The following AADAC variants were observed in gnomAD, a reference collection of about 807,000 sequenced individuals.
AADAC encodes the protein arylacetamide deacetylase.
Under a neutral mutation model 22.7 loss-of-function variants are expected in AADAC, and 17 were observed. That is an observed-to-expected ratio of 0.75 (90% CI 0.51 to 1.12). The LOEUF is 1.12. Ranked by LOEUF, AADAC falls within the 50% of genes most tolerant of loss-of-function variation. The probability of loss-of-function intolerance (pLI) is 0.00; values close to 1 mark genes in which losing one functional copy is unlikely to be tolerated. For synonymous variants in AADAC, 167 were observed against 176.3 expected, an observed-to-expected ratio of 0.95 and a Z score of 0.42; for missense variants, 465 against 473.9, an observed-to-expected ratio of 0.98 and a Z score of 0.17.
At chr3:151,817,987 C>T (rs1716062994) in intron 2 of AADAC, among the ~76,000 whole-genome samples, 2 of 151,670 alleles carry the variant, frequency 1.3e-5, no homozygotes, top group Non-Finnish European at 2.9e-5. Context: ...GCCTGTAATC[C>T]CAGCACTTTG....
chr3:151,824,949 G>C (rs13098550), intron 4 of AADAC, 115 bp downstream of exon 4: 1 of 786,914 alleles, frequency 1.3e-6, no homozygotes, highest in Non-Finnish European at 1.8e-6. Context: ...AGGAGATATT[G>C]ATTTTTTGAA....
chr3:151,824,616 A>C, intron 3 of AADAC, 47 bp from the exon 4 acceptor site: 9 of 1,313,310 alleles, frequency 6.9e-6, no homozygotes, highest in Non-Finnish European at 7.8e-6. Flanking sequence ...ATTACAGTCT[A>C]ATCAAAACAA....
intron 4 of AADAC, among the ~76,000 whole-genome samples, chr3:151,826,187 A>G (rs1266261946): frequency 6.6e-6 from 1 of 152,042 alleles, no homozygotes; most frequent in Admixed American, 6.6e-5. Context: ...CTTTGTTTCA[A>G]CCACAATATA....
Position 151,817,525 on chromosome 3 carries a change from T to A in AADAC, c.298T>A (p.Ser100Thr), listed in dbSNP as rs971722811. The change falls in exon 2 of 5, where the codon TCT becomes ACT. Residue 100 changes from serine to threonine, a missense_variant. By Grantham distance (58) the Ser-to-Thr change is moderately conservative. Transcript: ENST00000232892. ...LVRVYVPKRK[S>T]EALRRGLFYI... ...TCGGGTATATGTGCCAAAGAGAAAG[T>A]CTGAAGCACTAAGAAGGGGGTTGTT... 2 of 1,613,760 alleles carry A rather than the reference T, an allele frequency of 1.2e-6. No homozygotes were observed. The highest frequency in any genetic ancestry group is 1.7e-6 in the Non-Finnish European group (2 of 1,179,746).
intron 2 of AADAC, among the ~76,000 whole-genome samples, chr3:151,818,625 T>C (rs1716102482): frequency 6.6e-6 from 1 of 152,108 alleles, no homozygotes; most frequent in Admixed American, 6.5e-5. Flanking sequence ...TTCCACAAGT[T>C]GGTTACCTTT....
At position 151,827,558 on chromosome 3, in the gene AADAC, A is replaced by C; in HGVS notation, c.604-18A>C. 1 of 1,458,934 alleles carries C rather than the reference A, an allele frequency of 6.9e-7. No individual in the cohort carries two copies. Among genetic ancestry groups the C allele is most frequent in the Non-Finnish European group, 9.3e-7 (1 of 1,077,192 alleles). The allele number at this position is 1,458,934 out of a possible 1,614,324, so 90.4% of individuals were successfully genotyped here. On this transcript the variant is annotated intron_variant, in intron 4 of 4. Transcript: ENST00000232892. ...GTTTTAAATGAAAATGATTTGTGCA[A>C]ATCATCTTGCTTCTCAGCTCCTTGA...
chr3:151,822,339 T>G (rs116282677), intron 3 of AADAC, among the ~76,000 whole-genome samples: 2 of 151,912 alleles, frequency 1.3e-5, no homozygotes, highest in Admixed American at 6.6e-5. Flanking sequence ...CATGCCCATA[T>G]AAAAACTTGT....
intron 4 of AADAC, among the ~76,000 whole-genome samples, chr3:151,826,698 C>G (rs1032003403): frequency 5.3e-5 from 8 of 151,626 alleles, no homozygotes; most frequent in African/African-American, 1.5e-4. Context: ...TTTTTCCTCC[C>G]TGGTATTGGT....
rs199521285 is a variant in AADAC at position 151,814,210 on chromosome 3, A to G, written c.48A>G (p.Ala16=). 6 of 1,613,290 alleles carry G rather than the reference A, an allele frequency of 3.7e-6. No homozygotes were observed. Among genetic ancestry groups the G allele is most frequent in the East Asian group, 4.5e-5 (2 of 44,876 alleles). Residue 16 remains alanine, a synonymous_variant, in exon 1 of 5, where the codon GCA becomes GCG. Transcript: ENST00000232892. ...LYLLIVGILI[A]YYIYTPLPDN... is the part of the protein sequence containing the mutation. ...TTCTGATTGTGGGGATCCTCATAGC[A>G]TATTATATTTATACGCCTCTCCCAG...
chr3:151,827,677 T>A lies in AADAC; in HGVS notation c.705T>A (p.Asn235Lys). ...TAGATTTACCGTCATATCAAGAAAA[T>A]TCAAATTTTCTATTTCTATCCAAAT... The part of the protein sequence containing the change: ...LDVDLPSYQE[N>K]SNFLFLSKSL... The change falls in exon 5 of 5, where the codon AAT becomes AAA. Residue 235 changes from asparagine (N) to lysine (K), a missense_variant. Transcript: ENST00000232892. 1 of 1,612,646 alleles carries A rather than the reference T, an allele frequency of 6.2e-7. No homozygotes were observed. Among genetic ancestry groups the A allele is most frequent in the Non-Finnish European group, 8.5e-7 (1 of 1,179,020 alleles).
chr3:151,816,081 G>C (rs530661290), intron 1 of AADAC, among the ~76,000 whole-genome samples: 7 of 152,154 alleles, frequency 4.6e-5, no homozygotes, highest in African/African-American at 1.7e-4. Context: ...ATATAAGCAA[G>C]TTGTTAATAT....
chr3:151,819,965 T>C (rs1716166556), intron 2 of AADAC, among the ~76,000 whole-genome samples: 1 of 152,116 alleles, frequency 6.6e-6, no homozygotes, highest in Non-Finnish European at 1.5e-5. Flanking sequence ...ATTGCAACAA[T>C]TCTGTCTATA....
intron 1 of AADAC, among the ~76,000 whole-genome samples, chr3:151,814,923 T>C (rs1271926055): frequency 2.0e-5 from 3 of 152,034 alleles, no homozygotes; most frequent in African/African-American, 7.2e-5. Flanking sequence ...ATTACTTCTT[T>C]GGTTATTTTA....
At chr3:151,824,618 T>C (rs925886265) in intron 3 of AADAC, 45 bp from the exon 4 acceptor site, 1 of 1,131,150 alleles carries the variant, frequency 8.8e-7, no homozygotes, top group East Asian at 2.8e-5. Flanking sequence ...TACAGTCTAA[T>C]CAAAACAAAC....
rs1285860825 is a variant in AADAC, at chr3:151,824,798, T to C, written c.567T>C (p.Ser189=). ...NPERIGISGD[S]AGGNLAAAVT... ...AGAGAATCGGTATTTCTGGAGATAG[T>C]GCAGGAGGGAATTTAGCTGCAGCAG... The change falls in exon 4 of 5, where the codon AGT becomes AGC. Residue 189 remains serine, a synonymous_variant. Transcript: ENST00000232892. The C allele has an allele frequency of 1.3e-6, 2 of 1,599,152 alleles. No homozygotes were observed. Among genetic ancestry groups the C allele is most frequent in the Admixed American group, 1.8e-5 (1 of 56,862 alleles).
Position 151,820,427 on chromosome 3 carries a change from C to A in AADAC, c.406C>A (p.Leu136Ile). The A allele has an allele frequency of 6.3e-7, 1 of 1,583,404 alleles. No individual in the cohort carries two copies. Among genetic ancestry groups the A allele is most frequent in the East Asian group, 2.3e-5 (1 of 43,756 alleles). ...GCTGTCAAGATGGACAGCAGACAGACTTGATGCTGTCGTCGTATCAACCAA... is the reference window on the plus strand; with the variant it reads ...GCTGTCAAGATGGACAGCAGACAGAATTGATGCTGTCGTCGTATCAACCAA... ...DLLSRWTADR[L>I]DAVVVSTNYR... is the part of the protein sequence containing the mutation. Residue 136 changes from leucine (L) to isoleucine (I), a missense_variant, in exon 3 of 5, where the codon CTT (leucine) becomes ATT (isoleucine). Coordinates refer to ENST00000232892, the MANE Select transcript of AADAC (RefSeq NM_001086.3).
rs1716035737 is a variant in AADAC at position 151,817,404 on chromosome 3, G to A, written c.177G>A (p.Met59Ile). ...FVELLGLHHF[M>I]DSFKVVGSFD... Reference sequence around the variant, plus strand: ...AGCTCCTGGGACTTCACCATTTTATGGATTCCTTTAAGGTTGTCGGGAGCT... The same window carrying A: ...AGCTCCTGGGACTTCACCATTTTATAGATTCCTTTAAGGTTGTCGGGAGCT... Residue 59 changes from methionine (M) to isoleucine (I), a missense_variant, in exon 2 of 5, where the codon ATG becomes ATA. Met to Ile is a conservative substitution (Grantham distance 10, BLOSUM62 1). Transcript: ENST00000232892. The A allele has an allele frequency of 6.2e-7, 1 of 1,613,490 alleles. No individual in the cohort carries two copies. The highest frequency in any genetic ancestry group is 1.7e-5 in the Admixed American group (1 of 59,960).
chr3:151,824,892 A>C, intron 4 of AADAC, 58 bp downstream of exon 4: 1 of 1,339,376 alleles, frequency 7.5e-7, no homozygotes, highest in East Asian at 2.7e-5. Flanking sequence ...TTTTAAAAAC[A>C]TATTTATAAA....
At chr3:151,817,618 A>C (rs762933919) in intron 2 of AADAC, 30 bp downstream of exon 2, 5 of 1,597,000 alleles carry the variant, frequency 3.1e-6, no homozygotes, top group Non-Finnish European at 4.3e-6. Flanking sequence ...AATCTCTGTC[A>C]CTGAGGTAGT....
Sources: allele counts gnomAD v4.1 joint callset (sites outside exome capture counted in the v4.1 genomes callset), GRCh38; gene constraint gnomAD v4.1.1; transcripts MANE v1.5; gene names NCBI Gene and HGNC (gene_info 2026-07-23, HGNC 2026-07-21).